Variants in CDH9 observed in about 807,000 individuals in gnomAD.
CDH9 encodes cadherin-9.
Under a neutral mutation model 70.9 loss-of-function variants are expected in CDH9, and 28 were observed. The ratio of observed to expected loss-of-function variants is 0.40; its 90% CI spans 0.29 to 0.54. The LOEUF (loss-of-function observed/expected upper bound fraction) is 0.54. Among genes scored for constraint, CDH9 ranks in the 20% least tolerant of loss-of-function variants. The probability of loss-of-function intolerance (pLI) is 0.59; values close to 1 mark genes in which losing one functional copy is unlikely to be tolerated. For missense variants in CDH9, 874 were observed against 984.4 expected (o/e 0.89, Z 1.50); for synonymous variants, 409 against 343.1 (o/e 1.19, Z -2.12).
At chr5:27,038,070 G>A (rs1428658) in intron 1 of CDH9, among the ~76,000 whole-genome samples, 66,976 of 151,754 alleles carry the variant, frequency 0.44, 15,592 homozygotes, top group Non-Finnish European at 0.5. Context: ...AAGACCAGGA[G>A]TCCATTTCAA....
rs1221330777 is a variant in CDH9, at chr5:26,883,041, T to TTAGAGATATATA, written c.1883-1419_1883-1418insTATATATCTCTA. On this transcript the variant is annotated intron_variant, in intron 11 of 11. Transcript: ENST00000231021. Reference sequence around the variant, plus strand: ...AAGCTGAGCTATATTCAGGATCATCTTATATATATATATATATATATATAT... The same window carrying TTAGAGATATATA: ...AAGCTGAGCTATATTCAGGATCATCTTAGAGATATATATATATATATATATATATATATATAT... 7.2e-4 allele frequency among the ~76,000 whole-genome samples: 42 copies of TTAGAGATATATA among 58,022 alleles called. 7 individuals carry two copies. The highest frequency in any genetic ancestry group is 2.7e-3 in the South Asian group (4 of 1,484). The allele number at this position is 58,022 out of a possible 152,430, so 38.1% of individuals were successfully genotyped here.
chr5:26,941,075 A>G (rs1741654820), intron 2 of CDH9, among the ~76,000 whole-genome samples: 1 of 152,210 alleles, frequency 6.6e-6, no homozygotes, highest in Non-Finnish European at 1.5e-5. Context: ...ACATAAACAT[A>G]CCATCTTATA....
chr5:26,919,455 G>GTTC (rs1741205475), intron 2 of CDH9, among the ~76,000 whole-genome samples: 1 of 152,120 alleles, frequency 6.6e-6, no homozygotes, highest in Non-Finnish European at 1.5e-5. Context: ...GGGCTAAAGG[G>GTTC]TTCTGGGGCC....
intron 2 of CDH9, among the ~76,000 whole-genome samples, chr5:26,944,217 A>G (rs1349268043): frequency 6.8e-6 from 1 of 147,422 alleles, no homozygotes; most frequent in Non-Finnish European, 1.5e-5. Context: ...TTCTTGCTAT[A>G]TCTCACTGAT....
intron 2 of CDH9, among the ~76,000 whole-genome samples, chr5:26,963,655 G>A (rs1742077828): frequency 6.6e-6 from 1 of 151,992 alleles, no homozygotes; most frequent in Non-Finnish European, 1.5e-5. Context: ...CTAGAAAAAT[G>A]AGCACAAATT....
intron 1 of CDH9, among the ~76,000 whole-genome samples, chr5:26,993,327 T>C (rs545233946): frequency 6.6e-6 from 1 of 152,268 alleles, no homozygotes; most frequent in South Asian, 2.1e-4. Flanking sequence ...TGAAATAGAA[T>C]ACATAGCTAA....
At position 26,900,645 on chromosome 5, in the gene CDH9, T is replaced by C. The variant is rs139919532; in HGVS notation, c.1253+1831A>G. Reference sequence around the variant, plus strand: ...GCAATAACATGTTTCATCATCTAAGTTGATATGATGTCATTGTTTACAGTT... The same window carrying C: ...GCAATAACATGTTTCATCATCTAAGCTGATATGATGTCATTGTTTACAGTT... On this transcript the variant is annotated intron_variant, in intron 7 of 11. Coordinates refer to ENST00000231021, the MANE Select transcript of CDH9 (RefSeq NM_016279.4). 7.9e-4 allele frequency among the ~76,000 whole-genome samples: 120 copies of C among 152,222 alleles called. 1 individual carries two copies. In the East Asian group the frequency reaches 0.022, roughly 27 times the overall value.
intron 2 of CDH9, among the ~76,000 whole-genome samples, chr5:26,961,943 A>C (rs578131499): frequency 1.3e-5 from 2 of 152,204 alleles, no homozygotes; most frequent in Admixed American, 6.5e-5. Flanking sequence ...CATCATTTAC[A>C]TTAGGTATTT....
At chr5:26,982,878 G>A (rs1349270476) in intron 2 of CDH9, among the ~76,000 whole-genome samples, 1 of 151,724 alleles carries the variant, frequency 6.6e-6, no homozygotes, top group Non-Finnish European at 1.5e-5. Context: ...GTAGAGATGG[G>A]GTTTCACCAT....
rs118056821 is a variant in CDH9 at position 27,011,752 on chromosome 5, G to A, written c.-49-23370C>T. On this transcript the variant is annotated intron_variant, in intron 1 of 11. Transcript: ENST00000231021. ...GAGTCCATATTACAAAGAACAGAGA[G>A]TTAATATGAATAGTTTTTAAGTTCT... Among the ~76,000 whole-genome samples the A allele has an allele frequency of 1.8e-3, 269 of 152,140 alleles. 9 individuals are homozygous for A. In the East Asian group the frequency reaches 0.049, roughly 28 times the overall value.
intron 3 of CDH9, among the ~76,000 whole-genome samples, chr5:26,914,746 T>C (rs1741119195): frequency 1.3e-5 from 2 of 152,066 alleles, no homozygotes; most frequent in Non-Finnish European, 2.9e-5. Flanking sequence ...CATATATTAG[T>C]TATAAGAATG....
intron 1 of CDH9, among the ~76,000 whole-genome samples, chr5:27,020,846 T>C (rs1028579388): frequency 6.6e-6 from 1 of 151,652 alleles, no homozygotes; most frequent in African/African-American, 2.4e-5. Flanking sequence ...ATGGGATAAT[T>C]GAGCTCAGAT....
intron 2 of CDH9, among the ~76,000 whole-genome samples, chr5:26,943,377 G>A (rs1014575713): frequency 6.6e-6 from 1 of 152,044 alleles, no homozygotes; most frequent in Non-Finnish European, 1.5e-5. Context: ...GCCTGACGTG[G>A]TGGCTTGTGC....
chr5:26,885,550 A>C, intron 11 of CDH9, 64 bp downstream of exon 11: 1 of 1,342,068 alleles, frequency 7.5e-7, no homozygotes, highest in Non-Finnish European at 1.1e-6. Context: ...TCAGTGCACC[A>C]TGCTCAGACA....
chr5:26,960,239 T>A (rs1370105622), intron 2 of CDH9, among the ~76,000 whole-genome samples: 1 of 151,966 alleles, frequency 6.6e-6, no homozygotes, highest in Non-Finnish European at 1.5e-5. Flanking sequence ...AAAGAAATGA[T>A]CAATGCTGGT....
At chr5:27,035,579 A>G (rs1743377208) in intron 1 of CDH9, among the ~76,000 whole-genome samples, 1 of 151,624 alleles carries the variant, frequency 6.6e-6, no homozygotes. Flanking sequence ...TAAGCAGACG[A>G]TTTACAAGGC....
intron 1 of CDH9, among the ~76,000 whole-genome samples, 197 bp from the exon 2 acceptor site, chr5:26,988,579 T>C (rs1742528472): frequency 6.6e-6 from 1 of 151,968 alleles, no homozygotes; most frequent in African/African-American, 2.4e-5. Flanking sequence ...ACAACTCAAG[T>C]AGACTAAACA....
intron 2 of CDH9, among the ~76,000 whole-genome samples, chr5:26,963,079 A>G (rs990408381): frequency 5.9e-5 from 9 of 152,208 alleles, no homozygotes; most frequent in African/African-American, 2.2e-4. Flanking sequence ...AAGTTCAAAA[A>G]CAATTATTAT....
intron 1 of CDH9, among the ~76,000 whole-genome samples, chr5:27,007,312 T>C (rs1008079306): frequency 1.3e-5 from 2 of 152,138 alleles, no homozygotes; most frequent in East Asian, 1.9e-4. Flanking sequence ...AGCCAGTTTA[T>C]GTCTGTGGGT....
Sources: gnomAD v4.1 joint callset for allele counts (sites outside exome capture counted in the v4.1 genomes callset) on GRCh38, gnomAD v4.1.1 for gene constraint, MANE v1.5 for transcripts, NCBI Gene and HGNC (gene_info 2026-07-23, HGNC 2026-07-21) for gene names.